The following SCAPER variants were observed in gnomAD, a reference collection of about 807,000 sequenced individuals.
SCAPER encodes S-phase cyclin A associated protein in the ER.
SCAPER carries 98 observed loss-of-function variants against 182.2 expected under a neutral mutation model. The observed-to-expected ratio is 0.54, with a 90% CI of 0.46 to 0.64. The LOEUF (loss-of-function observed/expected upper bound fraction) is 0.64, where lower values mean the gene tolerates loss of function less well. SCAPER is among the 30% of genes least tolerant of loss of function. The probability of loss-of-function intolerance (pLI) is 0.00; values close to 1 mark genes in which losing one functional copy is unlikely to be tolerated. For synonymous variants in SCAPER, 605 were observed against 564.6 expected (o/e 1.07, Z -1.01); for missense variants, 1,432 against 1,690.0 (o/e 0.85, Z 2.68).
At chr15:76,728,872 C>T in intron 16 of SCAPER, 135 bp from the exon 17 acceptor site, 1 of 898,790 alleles carries the variant, frequency 1.1e-6, no homozygotes, top group Non-Finnish European at 1.6e-6. Flanking sequence ...TACTCTGCTT[C>T]TTAAAGTTTA....
At chr15:76,667,649 A>AC (rs2056700657) in intron 20 of SCAPER, among the ~76,000 whole-genome samples, 3 of 118,884 alleles carry the variant, frequency 2.5e-5, no homozygotes, top group Admixed American at 8.3e-5. Flanking sequence ...AAAAAAAAAA[A>AC]AAAAAAAAAA....
intron 17 of SCAPER, among the ~76,000 whole-genome samples, chr15:76,716,440 T>C (rs909992035): frequency 6.6e-6 from 1 of 151,808 alleles, no homozygotes; most frequent in African/African-American, 2.4e-5. Context: ...AGGAACACAA[T>C]AACTCTCCAG....
chr15:76,829,878 T>C (rs1170219162), intron 5 of SCAPER, among the ~76,000 whole-genome samples: 3 of 152,114 alleles, frequency 2.0e-5, no homozygotes, highest in South Asian at 2.1e-4. Flanking sequence ...TCTATCCTCA[T>C]GGAGCTTAGT....
intron 14 of SCAPER, among the ~76,000 whole-genome samples, chr15:76,762,998 C>A (rs1265633671): frequency 6.6e-6 from 1 of 152,110 alleles, no homozygotes; most frequent in Non-Finnish European, 1.5e-5. Context: ...TATTTCTGTA[C>A]CACCCTTACA....
chr15:76,376,357 C>A, intron 28 of SCAPER, 46 bp from the exon 29 acceptor site: 4 of 1,544,536 alleles, frequency 2.6e-6, no homozygotes, highest in South Asian at 1.2e-5. Context: ...CCAGGGAGAG[C>A]CAGGGCTGCA....
rs2151454007 is a variant in SCAPER at position 76,791,832 on chromosome 15, A to G, written c.772+3448T>C. On this transcript the variant is annotated intron_variant, in intron 8 of 31. Transcript: ENST00000563290. ...TTCTAGCTTTTCATTTGAGACCCCA[A>G]AAGGCATAAGGACTAATTAAAACAC... is the stretch of plus-strand genomic sequence containing the variant. Among the ~76,000 whole-genome samples the G allele has an allele frequency of 1.3e-5, 2 of 152,146 alleles. 1 individual carries two copies.
At chr15:76,588,403 A>G (rs1004112818) in intron 22 of SCAPER, among the ~76,000 whole-genome samples, 1 of 152,200 alleles carries the variant, frequency 6.6e-6, no homozygotes, top group Non-Finnish European at 1.5e-5. Context: ...GTCTGATATA[A>G]GAATAGCTAC....
intron 24 of SCAPER, among the ~76,000 whole-genome samples, chr15:76,492,834 C>A (rs1264186777): frequency 6.8e-6 from 1 of 147,208 alleles, no homozygotes; most frequent in East Asian, 2.0e-4. Flanking sequence ...TTCGTGACCA[C>A]AGAGAATTTA....
intron 23 of SCAPER, among the ~76,000 whole-genome samples, chr15:76,573,355 T>C (rs1340784103): frequency 1.3e-5 from 2 of 152,118 alleles, no homozygotes; most frequent in Non-Finnish European, 2.9e-5. Context: ...TTTATTAATA[T>C]TTCTTTTGTA....
At chr15:76,355,546 CTT>C (rs35909790) in intron 29 of SCAPER, among the ~76,000 whole-genome samples, 22 of 151,080 alleles carry the variant, frequency 1.5e-4, no homozygotes, top group African/African-American at 3.2e-4. Context: ...TAGAAGTCTT[CTT>C]TTTTTTTTTC....
At chr15:76,721,179 G>C (rs559929123) in intron 17 of SCAPER, among the ~76,000 whole-genome samples, 7 of 152,294 alleles carry the variant, frequency 4.6e-5, no homozygotes, top group African/African-American at 1.7e-4. Context: ...TTATTAAATA[G>C]GGAATCCTTT....
At chr15:76,445,846 T>C (rs2047962649) in intron 25 of SCAPER, among the ~76,000 whole-genome samples, 1 of 152,138 alleles carries the variant, frequency 6.6e-6, no homozygotes, top group Non-Finnish European at 1.5e-5. Context: ...TGGATGAGGA[T>C]TAAAATCTCG....
intron 5 of SCAPER, among the ~76,000 whole-genome samples, chr15:76,810,063 C>T (rs1010001335): frequency 1.3e-5 from 2 of 152,064 alleles, no homozygotes; most frequent in Middle Eastern, 3.4e-3. Flanking sequence ...CAAAAGCTGA[C>T]GGAGTTAATC....
At chr15:76,513,619 A>G (rs964300982) in intron 23 of SCAPER, among the ~76,000 whole-genome samples, 2 of 152,128 alleles carry the variant, frequency 1.3e-5, no homozygotes, top group African/African-American at 4.8e-5. Flanking sequence ...ATACCACACT[A>G]ACTTCCTGTG....
At chr15:76,787,258 TA>T (rs1442441487) in intron 8 of SCAPER, among the ~76,000 whole-genome samples, 3 of 152,316 alleles carry the variant, frequency 2.0e-5, no homozygotes, top group East Asian at 3.9e-4. Context: ...CAAGTCAGTA[TA>T]GAATTGATGG....
intron 21 of SCAPER, among the ~76,000 whole-genome samples, chr15:76,654,439 A>G (rs1050363883): frequency 6.6e-6 from 1 of 152,194 alleles, no homozygotes; most frequent in African/African-American, 2.4e-5. Flanking sequence ...ACCATCTCAT[A>G]CCACTAACAA....
intron 4 of SCAPER, among the ~76,000 whole-genome samples, chr15:76,850,846 C>T (rs1484439504): frequency 5.3e-5 from 6 of 113,484 alleles, no homozygotes; most frequent in Non-Finnish European, 1.0e-4. Context: ...GGCGAAAGAG[C>T]AAGACTCTGT....
intron 5 of SCAPER, among the ~76,000 whole-genome samples, chr15:76,828,023 G>C (rs1377880999): frequency 6.6e-6 from 1 of 152,074 alleles, no homozygotes; most frequent in Non-Finnish European, 1.5e-5. Flanking sequence ...ATTAGCATGG[G>C]AATGAGACTG....
intron 5 of SCAPER, among the ~76,000 whole-genome samples, chr15:76,824,409 G>A (rs569923910): frequency 1.3e-5 from 2 of 152,242 alleles, no homozygotes; most frequent in South Asian, 2.1e-4. Context: ...TTGGGCCCAC[G>A]ACATCAATAC....
Sources: gnomAD v4.1 joint callset for allele counts (sites outside exome capture counted in the v4.1 genomes callset) on GRCh38, gnomAD v4.1.1 for gene constraint, MANE v1.5 for transcripts, NCBI Gene and HGNC (gene_info 2026-07-23, HGNC 2026-07-21) for gene names.